Variants in LRRIQ1 observed in about 807,000 individuals in gnomAD.
The protein encoded by LRRIQ1 is leucine-rich repeat- and IQ domain-containing protein 1.
In LRRIQ1, 210 loss-of-function variants were observed where a neutral mutation model predicts 211.9. The ratio of observed to expected loss-of-function variants is 0.99; its 90% CI spans 0.89 to 1.11. The LOEUF is 1.11. Among genes scored for constraint, LRRIQ1 ranks in the 50% most tolerant of loss-of-function variants. The pLI, the probability that LRRIQ1 is intolerant of heterozygous loss-of-function variation, is 0.00. For synonymous variants in LRRIQ1, 699 were observed against 650.1 expected (o/e 1.08, Z -1.14); for missense variants, 2,136 against 1,939.5 (o/e 1.10, Z -1.90).
At chr12:85,200,441 G>A (rs1354469138) in intron 24 of LRRIQ1, among the ~76,000 whole-genome samples, 1 of 152,060 alleles carries the variant, frequency 6.6e-6, no homozygotes, top group African/African-American at 2.4e-5. Context: ...CTATTTTGAT[G>A]CCTTTTATAT....
At chr12:85,250,882 TATATA>T (rs1450855038) in intron 1 of LRRIQ1, among the ~76,000 whole-genome samples, 2 of 103,710 alleles carry the variant, frequency 1.9e-5, no homozygotes, top group Non-Finnish European at 3.5e-5. Flanking sequence ...TATTATATTA[TATATA>T]ATATATTTTA....
chr12:85,172,994 A>G (rs1891492840), intron 24 of LRRIQ1, among the ~76,000 whole-genome samples: 1 of 152,078 alleles, frequency 6.6e-6, no homozygotes, highest in Admixed American at 6.6e-5. Context: ...CTGTAGTCCC[A>G]GCTACTCGGG....
rs201542916 is a variant in LRRIQ1 at position 85,065,301 on chromosome 12, C to A, written c.2431C>A (p.Leu811Ile). Residue 811 changes from leucine (L) to isoleucine (I), a missense_variant, in exon 9 of 27, where the codon CTC becomes ATC. Transcript: ENST00000393217. ...ATTTCAAGATTTGCCAGGCTGTGTT[C>A]TCTCCACACTGGCAGAGTGTACAAA... is the stretch of plus-strand genomic sequence containing the variant. ...VTFQDLPGCV[L>I]STLAECTNLQ... The A allele has an allele frequency of 5.5e-5, 88 of 1,610,592 alleles. No individual in the cohort carries two copies. In the East Asian group the frequency reaches 1.9e-3, roughly 35 times the overall value.
chr12:85,079,034 C>T (rs1883981861), intron 11 of LRRIQ1, among the ~76,000 whole-genome samples: 1 of 152,202 alleles, frequency 6.6e-6, no homozygotes, highest in East Asian at 1.9e-4. Flanking sequence ...TTTGCCTCTG[C>T]AGTCAATTTG....
chr12:85,087,184 C>T (rs557953734), intron 11 of LRRIQ1, among the ~76,000 whole-genome samples: 5 of 151,916 alleles, frequency 3.3e-5, no homozygotes, highest in African/African-American at 1.2e-4. Context: ...TGAGTGAGAA[C>T]ATGTGGTGTT....
chr12:85,071,062 T>C (rs574700878), intron 10 of LRRIQ1, among the ~76,000 whole-genome samples: 1 of 152,106 alleles, frequency 6.6e-6, no homozygotes, highest in African/African-American at 2.4e-5. Context: ...TTTGATTGTG[T>C]TTAACTTTTA....
At chr12:85,046,815 C>T (rs552202465) in intron 5 of LRRIQ1, among the ~76,000 whole-genome samples, 71 of 152,144 alleles carry the variant, frequency 4.7e-4, no homozygotes, top group Admixed American at 1.5e-3. Flanking sequence ...TGGAATATTA[C>T]GCAGCCATAA....
At chr12:85,092,980 G>A (rs951368128) in intron 11 of LRRIQ1, among the ~76,000 whole-genome samples, 3 of 152,142 alleles carry the variant, frequency 2.0e-5, no homozygotes, top group African/African-American at 4.8e-5. Flanking sequence ...ACAATTAGAT[G>A]AAATAGCAGA....
At chr12:85,181,112 C>T (rs200011005) in intron 24 of LRRIQ1, among the ~76,000 whole-genome samples, 1 of 31,644 alleles carries the variant, frequency 3.2e-5, no homozygotes, top group Admixed American at 3.1e-4. Context: ...TATATACTAT[C>T]CCTTGAACTT....
At chr12:85,161,767 G>A (rs1345135070) in intron 24 of LRRIQ1, among the ~76,000 whole-genome samples, 4 of 152,192 alleles carry the variant, frequency 2.6e-5, no homozygotes, top group African/African-American at 4.8e-5. Flanking sequence ...TAGTCTGGGC[G>A]TGATGGCTCA....
At chr12:85,145,789 A>G (rs900857388) in intron 19 of LRRIQ1, among the ~76,000 whole-genome samples, 1 of 151,712 alleles carries the variant, frequency 6.6e-6, no homozygotes, top group Non-Finnish European at 1.5e-5. Context: ...CTCTACTCCA[A>G]AGGGAAACAC....
At position 85,230,311 on chromosome 12, in the gene LRRIQ1, C is replaced by G. The variant is rs527524752; in HGVS notation, c.4955+662C>G. On this transcript the variant is annotated intron_variant, in intron 25 of 26. Coordinates refer to ENST00000393217, the MANE Select transcript of LRRIQ1 (RefSeq NM_001079910.2). ...GAAAATTATTTTATCTCACTCAGCT[C>G]CAGAGGCTACAAGTTCAAGATCAAG... Among the ~76,000 whole-genome samples, 103 of 152,278 alleles carry G rather than the reference C, an allele frequency of 6.8e-4. 1 individual carries two copies. The South Asian group carries it at 9.8e-3, about 14-fold the overall frequency.
intron 8 of LRRIQ1, among the ~76,000 whole-genome samples, chr12:85,061,568 G>T (rs998757482): frequency 7.8e-4 from 118 of 151,706 alleles, no homozygotes; most frequent in African/African-American, 2.6e-3. Flanking sequence ...TGCTTGTATA[G>T]TTGATTGAAA....
At chr12:85,208,917 C>G (rs536331521) in intron 24 of LRRIQ1, among the ~76,000 whole-genome samples, 142 of 152,190 alleles carry the variant, frequency 9.3e-4, no homozygotes, top group African/African-American at 3.2e-3. Context: ...TTTCTGTCTT[C>G]TGGTGCTGTT....
chr12:85,057,301 TAA>T (rs1309364930), intron 8 of LRRIQ1, 117 bp downstream of exon 8: 14 of 879,714 alleles, frequency 1.6e-5, no homozygotes, highest in Non-Finnish European at 2.2e-5. Context: ...TCTTGTTTAA[TAA>T]AGTTATGAAT....
intron 23 of LRRIQ1, among the ~76,000 whole-genome samples, chr12:85,155,157 G>T (rs574918113): frequency 1.3e-5 from 2 of 151,512 alleles, no homozygotes; most frequent in South Asian, 4.1e-4. Context: ...TGTTCAACTT[G>T]CATACCTTAT....
At chr12:85,228,359 T>A (rs1473111744) in intron 24 of LRRIQ1, among the ~76,000 whole-genome samples, 1 of 152,174 alleles carries the variant, frequency 6.6e-6, no homozygotes, top group Non-Finnish European at 1.5e-5. Context: ...GCTCATGGAT[T>A]CAATGGCCAA....
In LRRIQ1 at chr12:85,229,524, A is replaced by G; in HGVS notation, c.4830A>G (p.Glu1610=). ...TCCATATTTCTTTCACAGGTATAGA[A>G]GAAGACCCTATCCACAAAGATACCA... ...PRRDGYFEGI[E]EDPIHKDTTA... is the part of the protein sequence containing the mutation. Residue 1610 remains glutamate (E), a synonymous_variant, in exon 25 of 27, where the codon GAA becomes GAG. Coordinates refer to ENST00000393217, the MANE Select transcript of LRRIQ1 (RefSeq NM_001079910.2). 2 of 1,608,592 alleles carry G rather than the reference A, an allele frequency of 1.2e-6. No individual in the cohort carries two copies. The highest frequency in any genetic ancestry group is 2.2e-5 in the South Asian group (2 of 90,216).
In LRRIQ1 at chr12:85,190,261, GTAAC is replaced by G. The variant is rs1892437609; in HGVS notation, c.4822+29550_4822+29553del. 2.8e-5 allele frequency among the ~76,000 whole-genome samples: 4 copies of G among 143,372 alleles called. No homozygotes were observed. The South Asian group carries it at 8.9e-4, about 32-fold the overall frequency. 94.1% of individuals were successfully genotyped at this position (143,372 alleles called of 152,430 possible). A position where few individuals can be genotyped will look rare whatever the true frequency, so the allele number is the denominator to read the frequency against. On this transcript the variant is annotated intron_variant, in intron 24 of 26. Transcript: ENST00000393217. ...ATATACATTATATTATATATTAACT[GTAAC>G]TACACAGTTAACAACTATACAGTTA...
Sources: gnomAD v4.1 joint callset for allele counts (sites outside exome capture counted in the v4.1 genomes callset) on GRCh38, gnomAD v4.1.1 for gene constraint, MANE v1.5 for transcripts, NCBI Gene and HGNC (gene_info 2026-07-23, HGNC 2026-07-21) for gene names.